FRMPD1: variants seen among roughly 807,000 people sequenced by gnomAD.
The protein encoded by FRMPD1 is FERM and PDZ domain-containing protein 1.
A neutral mutation model predicts 117.8 loss-of-function variants in FRMPD1; 76 were observed. The ratio of observed to expected loss-of-function variants is 0.65; its 90% CI spans 0.54 to 0.78. The LOEUF (loss-of-function observed/expected upper bound fraction) is 0.78. FRMPD1 is among the 30% of genes least tolerant of loss of function. The pLI, the probability that FRMPD1 is intolerant of heterozygous loss-of-function variation, is 0.00. For synonymous variants in FRMPD1, 783 were observed against 770.4 expected (o/e 1.02, Z -0.27); for missense variants, 1,786 against 1,964.5 (o/e 0.91, Z 1.72).
intron 2 of FRMPD1, among the ~76,000 whole-genome samples, chr9:37,698,474 A>C (rs758319235): frequency 6.7e-6 from 1 of 148,336 alleles, no homozygotes; most frequent in Non-Finnish European, 1.5e-5. Flanking sequence ...ATTCTGTTCC[A>C]TTGATGTAAC....
intron 2 of FRMPD1, among the ~76,000 whole-genome samples, chr9:37,693,449 G>A (rs570698933): frequency 6.6e-6 from 1 of 152,324 alleles, no homozygotes; most frequent in Admixed American, 6.5e-5. Context: ...ACTGGAAACA[G>A]CTGTTCTGCT....
At chr9:37,606,608 C>T in the FRMPD1 span, among the ~76,000 whole-genome samples, 3 of 152,310 alleles carry the variant, frequency 2.0e-5, no homozygotes, top group Admixed American at 2.0e-4. Flanking sequence ...GCACAAAACT[C>T]TTTTCTTTTC....
intron 1 of FRMPD1, among the ~76,000 whole-genome samples, chr9:37,660,094 C>G (rs1046295405): frequency 6.6e-6 from 1 of 151,934 alleles, no homozygotes; most frequent in South Asian, 2.1e-4. Context: ...ACGGCATCCT[C>G]CTAGATGGCT....
chr9:37,638,029 T>TTTTC, the FRMPD1 span, among the ~76,000 whole-genome samples: 1 of 112,598 alleles, frequency 8.9e-6, no homozygotes, highest in Non-Finnish European at 1.8e-5. Context: ...TCTTTCTCTC[T>TTTTC]CTTTCTTCCT....
At chr9:37,712,571 G>A (rs761345496) in intron 5 of FRMPD1, among the ~76,000 whole-genome samples, 14 of 152,136 alleles carry the variant, frequency 9.2e-5, no homozygotes, top group Non-Finnish European at 1.6e-4. Flanking sequence ...GGCCAGGCTG[G>A]TCTTGAACTC....
At chr9:37,735,813 T>A in intron 13 of FRMPD1, 79 bp downstream of exon 13, 3 of 917,408 alleles carry the variant, frequency 3.3e-6, no homozygotes, top group Non-Finnish European at 5.0e-6. Flanking sequence ...TTATATGAAT[T>A]TTAAATAATA....
In FRMPD1 at chr9:37,746,898, A is replaced by G; in HGVS notation, c.*129A>G. ...AGAGTATTCAAATAAACTGCTGCTTAATCTTGGCCTGAGTCATAGAGTTTG... is the reference window on the plus strand; with the variant it reads ...AGAGTATTCAAATAAACTGCTGCTTGATCTTGGCCTGAGTCATAGAGTTTG... On this transcript the variant is annotated 3_prime_UTR_variant, in exon 16 of 16. Coordinates refer to ENST00000377765, the MANE Select transcript of FRMPD1 (RefSeq NM_014907.3). The G allele has an allele frequency of 3.1e-6, 2 of 650,938 alleles. No homozygotes were observed. Among genetic ancestry groups the G allele is most frequent in the East Asian group, 5.4e-5 (2 of 36,784 alleles). The allele number at this position is 650,938 out of a possible 1,614,324, so 40.3% of individuals were successfully genotyped here. A position where few individuals can be genotyped will look rare whatever the true frequency, so the allele number is the denominator to read the frequency against.
At chr9:37,652,260 A>G (rs1326375690) in intron 1 of FRMPD1, among the ~76,000 whole-genome samples, 1 of 152,166 alleles carries the variant, frequency 6.6e-6, no homozygotes, top group African/African-American at 2.4e-5. Flanking sequence ...TCCAATCAAG[A>G]CAATTTCGGG....
the FRMPD1 span, among the ~76,000 whole-genome samples, chr9:37,625,906 A>G: frequency 1.3e-5 from 2 of 152,266 alleles, no homozygotes; most frequent in African/African-American, 2.4e-5. Context: ...AGCAGCAGCT[A>G]TATTACCAGG....
chr9:37,626,801 G>GAA, the FRMPD1 span, among the ~76,000 whole-genome samples: 2 of 150,836 alleles, frequency 1.3e-5, no homozygotes. Flanking sequence ...GAGAGAGAGA[G>GAA]AGAAAAGTAA....
the FRMPD1 span, among the ~76,000 whole-genome samples, chr9:37,609,152 C>T: frequency 2.6e-5 from 4 of 152,196 alleles, no homozygotes; most frequent in South Asian, 8.3e-4. Context: ...GTTAGCCGGG[C>T]ATGGTGGCAC....
At chr9:37,654,845 T>A (rs2381719) in intron 1 of FRMPD1, among the ~76,000 whole-genome samples, 4 of 152,186 alleles carry the variant, frequency 2.6e-5, no homozygotes, top group Admixed American at 2.0e-4. Context: ...TTTAGGAATT[T>A]TGAAGAAATG....
At chr9:37,712,552 C>T (rs182045792) in intron 5 of FRMPD1, among the ~76,000 whole-genome samples, 17 of 152,272 alleles carry the variant, frequency 1.1e-4, no homozygotes, top group Non-Finnish European at 2.1e-4. Context: ...GACAGGGTTT[C>T]GCCACATTGG....
At chr9:37,628,676 C>T in the FRMPD1 span, among the ~76,000 whole-genome samples, 9 of 152,272 alleles carry the variant, frequency 5.9e-5, no homozygotes, top group Admixed American at 4.6e-4. Context: ...GCTAAGGGAA[C>T]CTGCCTACCT....
At chr9:37,732,280 T>C (rs1823920231) in intron 9 of FRMPD1, 24 bp from the exon 10 acceptor site, 4 of 1,611,304 alleles carry the variant, frequency 2.5e-6, no homozygotes, top group Non-Finnish European at 3.4e-6. Context: ...TTGTTTCCCA[T>C]CTGCTCTATT....
In FRMPD1 at chr9:37,724,703, C is replaced by T. The variant is rs762930778; in HGVS notation, c.612+383C>T. 1.3e-4 allele frequency among the ~76,000 whole-genome samples: 20 copies of T among 152,208 alleles called. 1 individual carries two copies. The highest frequency in any genetic ancestry group is 4.6e-4 in the Admixed American group (7 of 15,286). On this transcript the variant is annotated intron_variant, in intron 7 of 15. Coordinates refer to ENST00000377765, the MANE Select transcript of FRMPD1 (RefSeq NM_014907.3). ...GGTGAGATGTCAGGAAAGGCCCAGG[C>T]GCTGCCTATTCTGTTCTTGGTTAAA...
rs765428888 is a variant in FRMPD1, at chr9:37,724,337, T to G, written c.612+17T>G. ...ACCGTGAAGGTATTAAGAATAAACTTGAACTTCTTTTCCCAAGAAGAATGT... is the reference window on the plus strand; with the variant it reads ...ACCGTGAAGGTATTAAGAATAAACTGGAACTTCTTTTCCCAAGAAGAATGT... On this transcript the variant is annotated intron_variant, in intron 7 of 15. Transcript: ENST00000377765. The G allele has an allele frequency of 1.9e-5, 25 of 1,337,042 alleles. No homozygotes were observed. The highest frequency in any genetic ancestry group is 2.3e-5 in the Non-Finnish European group (21 of 928,244). The allele number at this position is 1,337,042 out of a possible 1,614,324, so 82.8% of individuals were successfully genotyped here.
chr9:37,611,556 G>A, the FRMPD1 span, among the ~76,000 whole-genome samples: 15 of 152,164 alleles, frequency 9.9e-5, no homozygotes, highest in Admixed American at 3.3e-4. Flanking sequence ...AATTAAATAT[G>A]TGCACTTATT....
intron 2 of FRMPD1, among the ~76,000 whole-genome samples, chr9:37,698,423 G>T (rs1264318259): frequency 1.3e-5 from 2 of 151,900 alleles, no homozygotes; most frequent in Non-Finnish European, 2.9e-5. Context: ...TGAAATTCTG[G>T]CGTCTGTGAG....
Sources: gnomAD v4.1 joint callset for allele counts (sites outside exome capture counted in the v4.1 genomes callset) on GRCh38, gnomAD v4.1.1 for gene constraint, MANE v1.5 for transcripts, NCBI Gene and HGNC (gene_info 2026-07-23, HGNC 2026-07-21) for gene names.